TBC1D2B: variants seen among roughly 807,000 people sequenced by gnomAD.
The protein encoded by TBC1D2B is TBC1 domain family member 2B, also known as TBC1 domain family, member 2B.
A neutral mutation model predicts 100.8 loss-of-function variants in TBC1D2B; 64 were observed. That is an observed-to-expected ratio of 0.64 (90% CI 0.52 to 0.78). TBC1D2B has a LOEUF of 0.78. Among genes scored for constraint, TBC1D2B ranks in the 30% least tolerant of loss-of-function variants. The pLI is 0.00. For synonymous variants in TBC1D2B, 480 were observed against 479.7 expected (o/e 1.00, Z -0.01); for missense variants, 1,052 against 1,218.4 (o/e 0.86, Z 2.03).
At chr15:78,056,686 CTTTTTTT>C (rs368714497) in intron 1 of TBC1D2B, among the ~76,000 whole-genome samples, 10 of 112,900 alleles carry the variant, frequency 8.9e-5, no homozygotes, top group African/African-American at 3.6e-4. Flanking sequence ...CAGTCCTCCT[CTTTTTTT>C]TTTTTTTTTT....
intron 6 of TBC1D2B, among the ~76,000 whole-genome samples, 181 bp from the exon 7 acceptor site, chr15:78,018,138 G>A (rs531395026): frequency 1.3e-5 from 2 of 152,356 alleles, no homozygotes; most frequent in South Asian, 4.1e-4. Flanking sequence ...GCCATTTACA[G>A]TAGTAGAAGG....
intron 6 of TBC1D2B, among the ~76,000 whole-genome samples, chr15:78,018,323 CT>C (rs993976075): frequency 1.3e-5 from 2 of 151,930 alleles, no homozygotes; most frequent in Non-Finnish European, 2.9e-5. Context: ...CAATACCTTA[CT>C]TTTTTTTAAA....
chr15:78,008,249 C>G (rs945213340), intron 10 of TBC1D2B, among the ~76,000 whole-genome samples: 56 of 152,262 alleles, frequency 3.7e-4, no homozygotes, highest in Non-Finnish European at 6.3e-4. Context: ...CCTTATCACT[C>G]TGCCCTGGCC....
At chr15:78,053,657 G>A (rs2073360718) in intron 2 of TBC1D2B, 1 of 169,718 alleles carries the variant, frequency 5.9e-6, no homozygotes, top group Non-Finnish European at 1.3e-5. Context: ...CCTTCCTAGT[G>A]TATACAAACA....
chr15:78,043,923 C>T (rs1329480765), intron 3 of TBC1D2B, among the ~76,000 whole-genome samples: 1 of 151,728 alleles, frequency 6.6e-6, no homozygotes, highest in Non-Finnish European at 1.5e-5. Flanking sequence ...GTCCCAGCTA[C>T]TCTGGAAGCT....
chr15:78,069,648 G>A (rs1421853446), intron 1 of TBC1D2B, among the ~76,000 whole-genome samples: 1 of 152,208 alleles, frequency 6.6e-6, no homozygotes, highest in African/African-American at 2.4e-5. Context: ...AAGTCATGAG[G>A]GCAGAGCCCT....
intron 2 of TBC1D2B, among the ~76,000 whole-genome samples, chr15:78,052,517 A>T (rs182498258): frequency 1.5e-4 from 23 of 152,334 alleles, no homozygotes; most frequent in East Asian, 9.6e-4. Flanking sequence ...GGAGAAACAA[A>T]TATGGGCTTC....
intron 3 of TBC1D2B, among the ~76,000 whole-genome samples, chr15:78,032,707 C>T (rs749795563): frequency 1.1e-4 from 17 of 150,914 alleles, no homozygotes; most frequent in Non-Finnish European, 2.4e-4. Context: ...AAAGATAAAA[C>T]TACAATGCCT....
intron 2 of TBC1D2B, among the ~76,000 whole-genome samples, chr15:78,049,496 C>T (rs927837280): frequency 1.3e-5 from 2 of 152,166 alleles, no homozygotes; most frequent in African/African-American, 4.8e-5. Flanking sequence ...TTCCTCTCTC[C>T]TGCCACCTTG....
At chr15:78,055,236 T>C (rs1312126481) in intron 1 of TBC1D2B, among the ~76,000 whole-genome samples, 1 of 29,736 alleles carries the variant, frequency 3.4e-5, no homozygotes, top group East Asian at 0.01. Context: ...CTATGTATCA[T>C]GGTTCTGGGT....
intron 6 of TBC1D2B, among the ~76,000 whole-genome samples, chr15:78,023,574 A>G (rs2072572035): frequency 6.6e-6 from 1 of 152,190 alleles, no homozygotes; most frequent in African/African-American, 2.4e-5. Flanking sequence ...ATAGCCTCCC[A>G]GCCTAAGGGC....
intron 9 of TBC1D2B, among the ~76,000 whole-genome samples, chr15:78,012,355 C>T (rs2072253384): frequency 6.6e-6 from 1 of 152,140 alleles, no homozygotes; most frequent in African/African-American, 2.4e-5. Flanking sequence ...TAGGCAAGAC[C>T]TGTTAAAAGT....
intron 2 of TBC1D2B, 118 bp from the exon 3 acceptor site, chr15:78,045,186 T>A: frequency 1.2e-6 from 1 of 867,564 alleles, no homozygotes; most frequent in Non-Finnish European, 1.7e-6. Context: ...AATAGTATAT[T>A]TTTAATGTAT....
At position 78,054,173 on chromosome 15, in the gene TBC1D2B, T is replaced by G. The variant is rs764888169; in HGVS notation, c.375A>C (p.Gln125His). 1.9e-6 allele frequency: 3 copies of G among 1,612,224 alleles called. No homozygotes were observed. Among genetic ancestry groups the G allele is most frequent in the Non-Finnish European group, 2.5e-6 (3 of 1,179,398 alleles). Residue 125 changes from glutamine to histidine, a missense_variant, in exon 2 of 13, where the codon CAA (glutamine) becomes CAC (histidine). Gln to His is a conservative substitution (Grantham distance 24, BLOSUM62 0). Transcript: ENST00000300584. The part of the protein sequence containing the change: ...AVTVLKAPNR[Q>H]LMTYWLQELQ... Reference sequence around the variant, plus strand: ...GCTCCTGTAACCAGTAAGTCATGAGTTGACGATTGGGAGCCTAGAAAGAGG... The same window carrying G: ...GCTCCTGTAACCAGTAAGTCATGAGGTGACGATTGGGAGCCTAGAAAGAGG...
intron 3 of TBC1D2B, chr15:78,034,364 G>T: frequency 2.6e-6 from 1 of 387,176 alleles, no homozygotes; most frequent in Non-Finnish European, 3.5e-6. Flanking sequence ...TGGACCCACT[G>T]CACCATGACT....
intron 1 of TBC1D2B, among the ~76,000 whole-genome samples, chr15:78,059,960 AAAC>A (rs1596328507): frequency 6.6e-6 from 1 of 152,196 alleles, no homozygotes; most frequent in Non-Finnish European, 1.5e-5. Flanking sequence ...CATCTCCACT[AAAC>A]AACAAGTTTA....
At position 78,001,729 on chromosome 15, in the gene TBC1D2B, A is replaced by G. The variant is rs2071919812; in HGVS notation, c.2586T>C (p.Arg862=). The part of the protein sequence containing the change: ...FLYEGPKVIF[R]FALALFKYKE... ...TGTACTTAAAAAGTGCCAGAGCAAA[A>G]CGGAAAATAACCTGTGGAATAAACA... The change falls in exon 12 of 13, where the codon CGT becomes CGC. Residue 862 remains arginine (R), a synonymous_variant. Coordinates refer to ENST00000300584, the MANE Select transcript of TBC1D2B (RefSeq NM_144572.2). 1.2e-6 allele frequency: 2 copies of G among 1,607,008 alleles called. No individual in the cohort carries two copies. The highest frequency in any genetic ancestry group is 2.7e-5 in the African/African-American group (2 of 74,936).
At chr15:78,003,635 C>T (rs1049655275) in intron 10 of TBC1D2B, 145 bp from the exon 11 acceptor site, 5 of 607,684 alleles carry the variant, frequency 8.2e-6, no homozygotes, top group East Asian at 5.5e-5. Flanking sequence ...GGGCCCATCA[C>T]GGAGCCAGAC....
chr15:78,046,809 A>G (rs7170101), intron 2 of TBC1D2B, among the ~76,000 whole-genome samples: 135,229 of 152,202 alleles, frequency 0.89, 60,786 homozygotes, highest in East Asian at 0.99. Flanking sequence ...GCACACAATC[A>G]GAGTCAGCAA....
Sources: gnomAD v4.1 joint callset for allele counts (sites outside exome capture counted in the v4.1 genomes callset) on GRCh38, gnomAD v4.1.1 for gene constraint, MANE v1.5 for transcripts, NCBI Gene and HGNC (gene_info 2026-07-23, HGNC 2026-07-21) for gene names.